The following FAT3 variants were observed in gnomAD, a reference collection of about 807,000 sequenced individuals.
FAT3 encodes the protein FAT atypical cadherin 3.
FAT3 carries 95 observed loss-of-function variants against 310.2 expected under a neutral mutation model. The observed-to-expected ratio is 0.31, with a 90% CI of 0.26 to 0.36. FAT3 has a LOEUF of 0.36. FAT3 is among the 10% of genes least tolerant of loss of function. The pLI is 1.00. For synonymous variants in FAT3, 2,314 were observed against 2,192.9 expected, an observed-to-expected ratio of 1.06 and a Z score of -1.54; for missense variants, 5,408 against 5,715.6, an observed-to-expected ratio of 0.95 and a Z score of 1.74.
rs1949156451 is a variant in FAT3 at position 92,370,525 on chromosome 11, C to T, written c.3292+15121C>T. On this transcript the variant is annotated intron_variant, in intron 2 of 27. Transcript: ENST00000525166. ...TCTTTCTTACACCTTGAGGATACTT[C>T]TAATAGAATATTTGGTTAATAAAGG... is the stretch of plus-strand genomic sequence containing the variant. 2.6e-5 allele frequency among the ~76,000 whole-genome samples: 4 copies of T among 152,238 alleles called. No individual in the cohort carries two copies. The South Asian group carries it at 8.3e-4, about 32-fold the overall frequency.
At chr11:92,443,018 A>G (rs910382230) in intron 2 of FAT3, among the ~76,000 whole-genome samples, 1 of 152,182 alleles carries the variant, frequency 6.6e-6, no homozygotes, top group Non-Finnish European at 1.5e-5. Context: ...TGGTTAATCT[A>G]CCTGACAAAT....
intron 4 of FAT3, among the ~76,000 whole-genome samples, chr11:92,748,303 G>A (rs1340584330): frequency 3.3e-5 from 5 of 152,086 alleles, no homozygotes; most frequent in Non-Finnish European, 7.4e-5. Context: ...AGAACAGTAT[G>A]GGGAAAACCA....
intron 2 of FAT3, among the ~76,000 whole-genome samples, chr11:92,455,171 G>T (rs1246733318): frequency 6.6e-6 from 1 of 152,150 alleles, no homozygotes; most frequent in Non-Finnish European, 1.5e-5. Context: ...CACTAGAATG[G>T]TGTTCACATA....
chr11:92,662,149 T>C (rs1326056572), intron 3 of FAT3, among the ~76,000 whole-genome samples: 1 of 152,226 alleles, frequency 6.6e-6, no homozygotes, highest in Non-Finnish European at 1.5e-5. Context: ...TCCATTCCTA[T>C]TGGCACTCAA....
rs370232523 is a variant in FAT3 at position 92,806,391 on chromosome 11, C to T, written c.9123C>T (p.Asp3041=). 1.9e-6 allele frequency: 3 copies of T among 1,599,712 alleles called. No individual in the cohort carries two copies. The highest frequency in any genetic ancestry group is 1.7e-5 in the Admixed American group (1 of 58,224). Residue 3041 remains aspartate, a synonymous_variant, in exon 12 of 28, where the codon GAC becomes GAT. Coordinates refer to ENST00000525166, the MANE Select transcript of FAT3 (RefSeq NM_001367949.2). The part of the protein sequence containing the change: ...QVAYTALLPE[D]IPSNKIILKV... ...CATATACAGCATTACTTCCTGAAGACATTCCATCAAATAAAATCATCCTGA... is the reference window on the plus strand; with the variant it reads ...CATATACAGCATTACTTCCTGAAGATATTCCATCAAATAAAATCATCCTGA...
At chr11:92,859,549 A>C (rs1404273084) in intron 21 of FAT3, among the ~76,000 whole-genome samples, 1 of 152,170 alleles carries the variant, frequency 6.6e-6, no homozygotes, top group African/African-American at 2.4e-5. Flanking sequence ...ATCTCTCTTG[A>C]GAGCGGGTTC....
At chr11:92,654,100 A>C (rs1004023059) in intron 3 of FAT3, among the ~76,000 whole-genome samples, 5 of 152,228 alleles carry the variant, frequency 3.3e-5, no homozygotes, top group Non-Finnish European at 7.3e-5. Context: ...AAATCCACTC[A>C]GTCAAAGGAC....
chr11:92,489,428 G>A (rs761988428), intron 2 of FAT3, among the ~76,000 whole-genome samples: 3 of 151,926 alleles, frequency 2.0e-5, no homozygotes, highest in African/African-American at 4.8e-5. Context: ...TTATCCTTTC[G>A]CCCTGCTCTT....
chr11:92,601,622 C>T (rs1940031802), intron 3 of FAT3, among the ~76,000 whole-genome samples: 1 of 151,910 alleles, frequency 6.6e-6, no homozygotes, highest in South Asian at 2.1e-4. Flanking sequence ...CACTACAAGG[C>T]ATGCGTGTGG....
At chr11:92,841,318 T>A (rs1045280494) in intron 18 of FAT3, among the ~76,000 whole-genome samples, 1 of 152,200 alleles carries the variant, frequency 6.6e-6, no homozygotes, top group South Asian at 2.1e-4. Flanking sequence ...TTCCCATGTA[T>A]GATTTCTGCA....
intron 2 of FAT3, among the ~76,000 whole-genome samples, chr11:92,495,387 G>T (rs1223719490): frequency 6.6e-6 from 1 of 152,088 alleles, no homozygotes; most frequent in Non-Finnish European, 1.5e-5. Context: ...TTGGACAGCT[G>T]CAACAATTTG....
intron 22 of FAT3, 63 bp from the exon 23 acceptor site, chr11:92,880,668 T>C (rs2136396397): frequency 6.5e-7 from 1 of 1,543,448 alleles, no homozygotes; most frequent in Non-Finnish European, 8.7e-7. Context: ...ATGTTATAGC[T>C]GAGTCCAAGC....
At chr11:92,377,328 G>A (rs1269670025) in intron 2 of FAT3, among the ~76,000 whole-genome samples, 1 of 152,202 alleles carries the variant, frequency 6.6e-6, no homozygotes, top group African/African-American at 2.4e-5. Context: ...ATACTGAGGT[G>A]TGGGATAATT....
intron 1 of FAT3, among the ~76,000 whole-genome samples, chr11:92,338,514 G>A (rs571335644): frequency 1.3e-5 from 2 of 152,208 alleles, no homozygotes; most frequent in Admixed American, 1.3e-4. Flanking sequence ...AAACCATGCT[G>A]CAGAGTAAAA....
chr11:92,486,695 C>G (rs543420653), intron 2 of FAT3, among the ~76,000 whole-genome samples: 1 of 152,136 alleles, frequency 6.6e-6, no homozygotes, highest in Non-Finnish European at 1.5e-5. Context: ...GTATCTTCCA[C>G]TCTATTCTCT....
chr11:92,552,865 G>C (rs1013994124), intron 3 of FAT3, among the ~76,000 whole-genome samples: 8 of 151,882 alleles, frequency 5.3e-5, no homozygotes, highest in African/African-American at 1.7e-4. Flanking sequence ...CAGGAGAATT[G>C]CTTGAACCCC....
At chr11:92,854,435 G>A (rs547610134) in intron 19 of FAT3, among the ~76,000 whole-genome samples, 32 of 152,274 alleles carry the variant, frequency 2.1e-4, no homozygotes, top group African/African-American at 6.7e-4. Flanking sequence ...CACCAGCCCC[G>A]TGGAGCATGC....
At chr11:92,359,042 G>T (rs1475446680) in intron 2 of FAT3, among the ~76,000 whole-genome samples, 1 of 152,044 alleles carries the variant, frequency 6.6e-6, no homozygotes, top group Non-Finnish European at 1.5e-5. Flanking sequence ...CATCTACAGG[G>T]TTTGTTAACA....
In FAT3 at chr11:92,412,967, T is replaced by G. The variant is rs978815143; in HGVS notation, c.3292+57563T>G. On this transcript the variant is annotated intron_variant, in intron 2 of 27. Transcript: ENST00000525166. ...TCATAGTCATCCAACTCCTACAGTT[T>G]CCATTAGGGCTCACCCTTGGTATTG... Among the ~76,000 whole-genome samples the G allele has an allele frequency of 2.7e-4, 41 of 151,594 alleles. 1 individual carries two copies. The highest frequency in any genetic ancestry group is 2.2e-3 in the Admixed American group (33 of 15,202).
Sources: allele counts gnomAD v4.1 joint callset (sites outside exome capture counted in the v4.1 genomes callset), GRCh38; gene constraint gnomAD v4.1.1; transcripts MANE v1.5; gene names NCBI Gene and HGNC (gene_info 2026-07-23, HGNC 2026-07-21).